Variants in ENPP5 observed in about 807,000 individuals in gnomAD.
ENPP5 encodes the protein ectonucleotide pyrophosphatase/phosphodiesterase family member 5.
In ENPP5, 27 loss-of-function variants were observed where a neutral mutation model predicts 33.7. The ratio of observed to expected loss-of-function variants is 0.80; its 90% CI spans 0.59 to 1.11. The LOEUF is 1.11. Among genes scored for constraint, ENPP5 ranks in the 50% least tolerant of loss-of-function variants. The probability of loss-of-function intolerance (pLI) is 0.00; values close to 1 mark genes in which losing one functional copy is unlikely to be tolerated. For missense variants in ENPP5, 552 were observed against 579.2 expected (o/e 0.95, Z 0.48); for synonymous variants, 199 against 200.5 (o/e 0.99, Z 0.06).
At chr6:46,166,779 A>AT (rs1380109530) in intron 3 of ENPP5, among the ~76,000 whole-genome samples, 1 of 152,160 alleles carries the variant, frequency 6.6e-6, no homozygotes, top group Non-Finnish European at 1.5e-5. Flanking sequence ...AAAGTGATAA[A>AT]ATATGTCAAA....
Position 46,161,633 on chromosome 6 carries a change from A to G in ENPP5, c.1127T>C (p.Leu376Pro). ...GGTGATATTGAGGAGGTGGCATAGT[A>G]GTGGGTACAAATCTGTGGAGTTCAT... ...EAMNSTDLYP[L>P]LCHLLNITAM... The change falls in exon 5 of 5, where the codon CTA becomes CCA. Residue 376 changes from leucine (L) to proline (P), a missense_variant. By Grantham distance (98) the Leu-to-Pro change is moderately conservative. Coordinates refer to ENST00000371383, the MANE Select transcript of ENPP5 (RefSeq NM_001290072.2). 6.2e-7 allele frequency: 1 copy of G among 1,613,958 alleles called. No homozygotes were observed. The highest frequency in any genetic ancestry group is 8.5e-7 in the Non-Finnish European group (1 of 1,179,840).
intron 3 of ENPP5, 81 bp from the exon 4 acceptor site, chr6:46,165,644 G>A: frequency 8.9e-7 from 1 of 1,127,658 alleles, no homozygotes; most frequent in Non-Finnish European, 1.2e-6. Context: ...TGCTACGGAG[G>A]TGAAAAACCA....
rs369152079 is a variant in ENPP5 at position 46,161,478 on chromosome 6, C to T, written c.1282G>A (p.Glu428Lys). The T allele has an allele frequency of 3.1e-6, 5 of 1,613,886 alleles. No homozygotes were observed. The African/African-American group carries it at 6.7e-5, about 22-fold the overall frequency. The change falls in exon 5 of 5, where the codon GAG becomes AAG. Residue 428 changes from glutamate (E) to lysine (K), a missense_variant. Glu to Lys is a moderately conservative substitution (Grantham distance 56, BLOSUM62 1). Coordinates refer to ENST00000371383, the MANE Select transcript of ENPP5 (RefSeq NM_001290072.2). ...CCTATGAAATAAGGGTATGACCCCT[C>T]TTGGTCATATTCTGCTGGTTTAACA... is the stretch of plus-strand genomic sequence containing the variant. The part of the protein sequence containing the change: ...GSVKPAEYDQ[E>K]GSYPYFIGVS...
At position 46,168,075 on chromosome 6, in the gene ENPP5, T is replaced by G. The variant is rs779631631; in HGVS notation, c.188A>C (p.Gln63Pro). 6.2e-7 allele frequency: 1 copy of G among 1,614,044 alleles called. No individual in the cohort carries two copies. Among genetic ancestry groups the G allele is most frequent in the Non-Finnish European group, 8.5e-7 (1 of 1,179,932 alleles). Reference sequence around the variant, plus strand: ...TTTTGTAATAAAAACATTAGTAACTTGCTTCACGTGAACACCATATTTCAT... The same window carrying G: ...TTTTGTAATAAAAACATTAGTAACTGGCTTCACGTGAACACCATATTTCAT... ...YIMKYGVHVK[Q>P]VTNVFITKTY... Residue 63 changes from glutamine (Q) to proline (P), a missense_variant, in exon 3 of 5, where the codon CAA (glutamine) becomes CCA (proline). Coordinates refer to ENST00000371383, the MANE Select transcript of ENPP5 (RefSeq NM_001290072.2).
At position 46,165,401 on chromosome 6, in the gene ENPP5, G is replaced by T; in HGVS notation, c.992C>A (p.Ser331Ter). Residue 331 changes from serine to a stop codon, truncating the protein, a stop_gained, in exon 4 of 5, where the codon TCA becomes TAA. Coordinates refer to ENST00000371383, the MANE Select transcript of ENPP5 (RefSeq NM_001290072.2). LOFTEE classifies it high-confidence loss of function. ...DEGWHILQNK[S>*]DDFLLGNHGY... ...AACATACTCACACAGAAAGTCATCT[G>T]ACTTATTCTGTAAAATGTGCCACCC... 1.3e-6 allele frequency: 2 copies of T among 1,581,602 alleles called. No homozygotes were observed. Among genetic ancestry groups the T allele is most frequent in the South Asian group, 2.4e-5 (2 of 83,938 alleles).
At chr6:46,168,389 T>C (rs1191658753) in intron 2 of ENPP5, 92 bp from the exon 3 acceptor site, 2 of 536,850 alleles carry the variant, frequency 3.7e-6, no homozygotes. Context: ...CAATCCTAGT[T>C]ATATTCATAA....
At chr6:46,165,603 C>T in intron 3 of ENPP5, 40 bp from the exon 4 acceptor site, 2 of 1,410,598 alleles carry the variant, frequency 1.4e-6, no homozygotes, top group Middle Eastern at 3.7e-4. Context: ...ACAAAATACT[C>T]ATAGCTACCA....
chr6:46,168,256 A>G lies in ENPP5; in HGVS notation c.7T>C (p.Ser3Pro), dbSNP rs1423077363. ...ATGAAGGACACCAAGAGAAATTTCGAAGTCATTTTCAAAGTACTTGATCAG... is the reference window on the plus strand; with the variant it reads ...ATGAAGGACACCAAGAGAAATTTCGGAGTCATTTTCAAAGTACTTGATCAG... MTSKFLLVSFILA... is the reference protein window; with the variant it reads MTPKFLLVSFILA... Residue 3 changes from serine (S) to proline (P), a missense_variant, in exon 3 of 5, where the codon TCG becomes CCG. Physicochemically the swap from Ser to Pro is moderately conservative, Grantham distance 74 (BLOSUM62 -1). Coordinates refer to ENST00000371383, the MANE Select transcript of ENPP5 (RefSeq NM_001290072.2). The G allele has an allele frequency of 6.4e-7, 1 of 1,571,258 alleles. No individual in the cohort carries two copies. Among genetic ancestry groups the G allele is most frequent in the Admixed American group, 1.8e-5 (1 of 55,030 alleles).
intron 2 of ENPP5, 81 bp from the exon 3 acceptor site, chr6:46,168,378 G>A: frequency 1.7e-6 from 1 of 589,740 alleles, no homozygotes; most frequent in Non-Finnish European, 2.9e-6. Context: ...ACAGTGCTTA[G>A]CAATCCTAGT....
intron 2 of ENPP5, among the ~76,000 whole-genome samples, chr6:46,169,600 C>G (rs1244404524): frequency 6.6e-6 from 1 of 152,176 alleles, no homozygotes; most frequent in African/African-American, 2.4e-5. Context: ...GCCATGTTGG[C>G]CAGCCTGGTC....
At position 46,159,194 on chromosome 6, in the gene ENPP5, A is replaced by G. The variant is rs917303436; in HGVS notation, c.*2132T>C. ...ATGATAAGTGATGTGATTTTCCCAG[A>G]AAAGTTAAAAGTTTTATTTTTCTTC... On this transcript the variant is annotated 3_prime_UTR_variant, in exon 5 of 5. Coordinates refer to ENST00000371383, the MANE Select transcript of ENPP5 (RefSeq NM_001290072.2). The G allele has an allele frequency of 1.3e-5, 2 of 152,220 alleles. No individual in the cohort carries two copies. Among genetic ancestry groups the G allele is most frequent in the Non-Finnish European group, 2.9e-5 (2 of 68,036 alleles). The allele number at this position is 152,220 out of a possible 1,614,324, so 9.4% of individuals were successfully genotyped here. A position where few individuals can be genotyped will look rare whatever the true frequency, so the allele number is the denominator to read the frequency against.
At chr6:46,163,449 G>A (rs1480646002) in intron 4 of ENPP5, among the ~76,000 whole-genome samples, 2 of 143,338 alleles carry the variant, frequency 1.4e-5, no homozygotes, top group Non-Finnish European at 3.0e-5. Flanking sequence ...TCCCACCTAT[G>A]AGTGAGAATA....
intron 4 of ENPP5, among the ~76,000 whole-genome samples, chr6:46,163,661 G>GT (rs1035956510): frequency 6.6e-6 from 1 of 151,984 alleles, no homozygotes; most frequent in Non-Finnish European, 1.5e-5. Flanking sequence ...CAGTGTAAAA[G>GT]TGTTCCTATT....
rs761831221 is a variant in ENPP5, at chr6:46,167,904, G to A, written c.359C>T (p.Ala120Val). Residue 120 changes from alanine to valine, a missense_variant, in exon 3 of 5, where the codon GCG becomes GTG. By Grantham distance (64) the Ala-to-Val change is moderately conservative. Transcript: ENST00000371383. ...NIYDSKFWEE[A>V]TPIWITNQRA... ...CTGGTTTGTGATCCATATTGGTGTC[G>A]CTTCTTCCCAAAACTTGGAATCATA... 3.0e-5 allele frequency: 48 copies of A among 1,614,006 alleles called. No homozygotes were observed. Among genetic ancestry groups the A allele is most frequent in the African/African-American group, 1.1e-4 (8 of 74,892 alleles).
chr6:46,169,154 TA>T (rs1328112658), intron 2 of ENPP5, among the ~76,000 whole-genome samples: 1 of 152,204 alleles, frequency 6.6e-6, no homozygotes, highest in Non-Finnish European at 1.5e-5. Context: ...TGTATATTTC[TA>T]AAATACTTTC....
At position 46,168,119 on chromosome 6, in the gene ENPP5, C is replaced by T. The variant is rs771162160; in HGVS notation, c.144G>A (p.Thr48=). 3.1e-6 allele frequency: 5 copies of T among 1,613,642 alleles called. No individual in the cohort carries two copies. Among genetic ancestry groups the T allele is most frequent in the Middle Eastern group, 1.6e-4 (1 of 6,062 alleles). ...ATTTCATAATATAATGAAAATGGGG[C>T]GTTGGAACTTTATATAAGTAATCCC... ...FRWDYLYKVP[T]PHFHYIMKYG... is the part of the protein sequence containing the mutation. Residue 48 remains threonine (T), a synonymous_variant, in exon 3 of 5, where the codon ACG becomes ACA. Coordinates refer to ENST00000371383, the MANE Select transcript of ENPP5 (RefSeq NM_001290072.2).
In ENPP5 at chr6:46,167,419, T is replaced by C. The variant is rs1168824721; in HGVS notation, c.829+15A>G. On this transcript the variant is annotated intron_variant, in intron 3 of 4. Transcript: ENST00000371383. ...ACATCTAGTCTCAGCTCACCATTCATTCAGTCAGCCTTACCTTCTTTTGGC... is the reference window on the plus strand; with the variant it reads ...ACATCTAGTCTCAGCTCACCATTCACTCAGTCAGCCTTACCTTCTTTTGGC... The C allele has an allele frequency of 2.0e-6, 3 of 1,535,736 alleles. No homozygotes were observed. Among genetic ancestry groups the C allele is most frequent in the Admixed American group, 3.4e-5 (2 of 58,974 alleles).
Position 46,161,500 on chromosome 6 carries a change from A to G in ENPP5, c.1260T>C (p.Val420=). The G allele has an allele frequency of 6.2e-7, 1 of 1,614,070 alleles. No homozygotes were observed. The highest frequency in any genetic ancestry group is 1.3e-5 in the African/African-American group (1 of 75,032). ...CCTCTTGGTCATATTCTGCTGGTTT[A>G]ACACTACCAGGGAGGAGTATAGTAC... is the stretch of plus-strand genomic sequence containing the variant. ...TQSTILLPGS[V]KPAEYDQEGS... The change falls in exon 5 of 5, where the codon GTT becomes GTC. Residue 420 remains valine, a synonymous_variant. Transcript: ENST00000371383.
chr6:46,167,533 A>G lies in ENPP5; in HGVS notation c.730T>C (p.Cys244Arg). 1.9e-6 allele frequency: 3 copies of G among 1,614,224 alleles called. No individual in the cohort carries two copies. Among genetic ancestry groups the G allele is most frequent in the Non-Finnish European group, 2.5e-6 (3 of 1,180,020 alleles). The change falls in exon 3 of 5, where the codon TGC becomes CGC. Residue 244 changes from cysteine (C) to arginine (R), a missense_variant. Transcript: ENST00000371383. ...AGTTCTATTAACCTTTCCTCAGAGC[A>G]CTGCGTCATTCCATGATCACTTGTG... is the stretch of plus-strand genomic sequence containing the variant. ...IITSDHGMTQ[C>R]SEERLIELDQ...
Sources: allele counts gnomAD v4.1 joint callset (sites outside exome capture counted in the v4.1 genomes callset), GRCh38; gene constraint gnomAD v4.1.1; transcripts MANE v1.5; gene names NCBI Gene and HGNC (gene_info 2026-07-23, HGNC 2026-07-21).